The following GRIP1 variants were observed in gnomAD, a reference collection of about 807,000 sequenced individuals.
GRIP1 encodes glutamate receptor interacting protein 1.
Under a neutral mutation model 129.9 loss-of-function variants are expected in GRIP1, and 45 were observed. The ratio of observed to expected loss-of-function variants is 0.35; its 90% CI spans 0.27 to 0.44. The LOEUF is 0.44. GRIP1 is among the 20% of genes least tolerant of loss of function. GRIP1 has a pLI of 1.00. For synonymous variants in GRIP1, 530 were observed against 520.8 expected, an observed-to-expected ratio of 1.02 and a Z score of -0.24; for missense variants, 1,196 against 1,396.8, an observed-to-expected ratio of 0.86 and a Z score of 2.29.
intron 1 of GRIP1, among the ~76,000 whole-genome samples, chr12:66,655,378 C>T (rs1336911756): frequency 1.3e-5 from 2 of 152,122 alleles, no homozygotes; most frequent in African/African-American, 4.8e-5. Flanking sequence ...ACCGAGATTT[C>T]CCATATGCCT....
chr12:67,035,793 T>G (rs978008634), intron 1 of GRIP1: 1 of 152,176 alleles, frequency 6.6e-6, no homozygotes, highest in Non-Finnish European at 1.5e-5. Flanking sequence ...TATTATTCCC[T>G]AACCTAGTCT....
At chr12:66,531,440 C>CAGAAAT (rs1219895397) in intron 4 of GRIP1, among the ~76,000 whole-genome samples, 1 of 151,358 alleles carries the variant, frequency 6.6e-6, no homozygotes, top group African/African-American at 2.4e-5. Flanking sequence ...TTTTAATTAT[C>CAGAAAT]AGAAATTCTG....
At chr12:66,529,419 A>C (rs2061370812) in intron 5 of GRIP1, among the ~76,000 whole-genome samples, 1 of 152,254 alleles carries the variant, frequency 6.6e-6, no homozygotes, top group South Asian at 2.1e-4. Flanking sequence ...GTGGATAAAG[A>C]AACTGGTATA....
At chr12:66,675,237 C>T (rs957719481) in intron 1 of GRIP1, among the ~76,000 whole-genome samples, 1 of 152,080 alleles carries the variant, frequency 6.6e-6, no homozygotes, top group African/African-American at 2.4e-5. Context: ...TGCCCAGAGC[C>T]GTGCTCCCTG....
chr12:66,384,269 C>T (rs2056257041), intron 19 of GRIP1, among the ~76,000 whole-genome samples: 2 of 152,156 alleles, frequency 1.3e-5, no homozygotes, highest in African/African-American at 4.8e-5. Flanking sequence ...ACCAATCCAG[C>T]TTTTTCTAGC....
Position 66,491,361 on chromosome 12 carries a change from A to G in GRIP1, c.724+24258T>C, listed in dbSNP as rs757407673. On this transcript the variant is annotated intron_variant, in intron 7 of 24. Transcript: ENST00000359742. The stretch of plus-strand genomic sequence containing the variant: ...ATTATCCTCAGCACAACAACACAGG[A>G]ACAGAATACCAAATACTGCATGTCC... 2.4e-4 allele frequency among the ~76,000 whole-genome samples: 37 copies of G among 152,208 alleles called. 1 individual carries two copies. The highest frequency in any genetic ancestry group is 4.7e-4 in the Non-Finnish European group (32 of 68,042).
intron 1 of GRIP1, among the ~76,000 whole-genome samples, chr12:66,714,886 C>CCCATCCAT (rs71069016): frequency 1.5e-3 from 217 of 147,806 alleles, no homozygotes; most frequent in South Asian, 6.3e-3. Context: ...ATTCAATCCA[C>CCCATCCAT]CCATCCATCC....
intron 1 of GRIP1, among the ~76,000 whole-genome samples, chr12:66,627,029 C>T (rs2030157229): frequency 6.6e-6 from 1 of 151,584 alleles, no homozygotes; most frequent in South Asian, 2.1e-4. Flanking sequence ...GCTTAACCTG[C>T]CACTGGCTGC....
chr12:66,468,679 G>GT (rs35563749), intron 7 of GRIP1, among the ~76,000 whole-genome samples: 80,815 of 149,116 alleles, frequency 0.54, 21,990 homozygotes, highest in Middle Eastern at 0.72. Flanking sequence ...CCTTAAGTTA[G>GT]TTTTTTTTTT....
intron 1 of GRIP1, among the ~76,000 whole-genome samples, chr12:66,803,273 T>C (rs1046967829): frequency 2.0e-5 from 3 of 152,216 alleles, no homozygotes; most frequent in Admixed American, 6.5e-5. Context: ...ATAACTGTCA[T>C]CTTCCCCCAT....
At chr12:67,068,285 A>G (rs1017138313) in intron 1 of GRIP1, among the ~76,000 whole-genome samples, 1 of 152,190 alleles carries the variant, frequency 6.6e-6, no homozygotes. Flanking sequence ...ACACTTGTCA[A>G]GCTGAAGCAC....
At chr12:66,524,786 G>C (rs1381144409) in intron 5 of GRIP1, among the ~76,000 whole-genome samples, 1 of 152,068 alleles carries the variant, frequency 6.6e-6, no homozygotes, top group Non-Finnish European at 1.5e-5. Flanking sequence ...CCACTAGCAA[G>C]ACTAATAAAG....
intron 24 of GRIP1, among the ~76,000 whole-genome samples, chr12:66,352,353 C>T (rs957255079): frequency 1.3e-5 from 2 of 152,058 alleles, no homozygotes; most frequent in East Asian, 1.9e-4. Context: ...AGCAGAGAAG[C>T]GCCACAAGCT....
In GRIP1 at chr12:66,957,195, A is replaced by T. The variant is rs73315211; in HGVS notation, c.58+111855T>A. Reference sequence around the variant, plus strand: ...CTAAAAAGAGGATATCAATACAGATACATATGGGGAGAAGATACATGAAGA... The same window carrying T: ...CTAAAAAGAGGATATCAATACAGATTCATATGGGGAGAAGATACATGAAGA... On this transcript the variant is annotated intron_variant, in intron 1 of 1. Coordinates refer to the GRIP1 transcript ENST00000643019. Among the ~76,000 whole-genome samples the T allele has an allele frequency of 3.8e-3, 582 of 152,272 alleles. 5 individuals carry two copies. The highest frequency in any genetic ancestry group is 0.014 in the African/African-American group (562 of 41,558).
rs571498583 is a variant in GRIP1 at position 66,755,599 on chromosome 12, G to GCGTCA, written c.-420+48449_-420+48453dup. ...CTGGGGAACTAAGTTTCCACCACCA[G>GCGTCA]CGTCACCTGCTCTGGGAGTGTTGAA... On this transcript the variant is annotated intron_variant, in intron 1 of 4. Transcript: ENST00000538373. Among the ~76,000 whole-genome samples the GCGTCA allele has an allele frequency of 3.0e-4, 46 of 152,328 alleles. No homozygotes were observed. The East Asian group carries it at 3.5e-3, about 12-fold the overall frequency.
intron 1 of GRIP1, among the ~76,000 whole-genome samples, chr12:67,054,450 G>A (rs867826294): frequency 9.9e-5 from 15 of 151,968 alleles, no homozygotes; most frequent in Non-Finnish European, 1.6e-4. Context: ...TGTCATGTGC[G>A]AAAAAATAAA....
upstream of GRIP1, among the ~76,000 whole-genome samples, chr12:66,681,377 G>C (rs928437640): frequency 6.6e-6 from 1 of 152,072 alleles, no homozygotes; most frequent in African/African-American, 2.4e-5. Context: ...CTCCCATCCT[G>C]AACTCTAGCA....
intron 1 of GRIP1, among the ~76,000 whole-genome samples, chr12:66,929,477 G>C (rs2041351437): frequency 6.6e-6 from 1 of 152,138 alleles, no homozygotes; most frequent in South Asian, 2.1e-4. Context: ...CTCAGTAAAG[G>C]AACAGATCAT....
At chr12:66,697,807 T>G (rs1313395820) in intron 1 of GRIP1, among the ~76,000 whole-genome samples, 3 of 152,190 alleles carry the variant, frequency 2.0e-5, no homozygotes, top group African/African-American at 7.2e-5. Flanking sequence ...TTGTAGGAAG[T>G]TCTGGCCTTA....
Sources: gnomAD v4.1 joint callset for allele counts (sites outside exome capture counted in the v4.1 genomes callset) on GRCh38, gnomAD v4.1.1 for gene constraint, MANE v1.5 for transcripts, NCBI Gene and HGNC (gene_info 2026-07-23, HGNC 2026-07-21) for gene names.